Variants in DYNC2I1 observed in about 807,000 individuals in gnomAD.
The protein encoded by DYNC2I1 is dynein 2 intermediate chain 1.
In DYNC2I1, 89 loss-of-function variants were observed where a neutral mutation model predicts 133.4. The observed-to-expected ratio is 0.67, with a 90% CI of 0.56 to 0.80. DYNC2I1 has a LOEUF of 0.80. Ranked by LOEUF, DYNC2I1 falls within the 30% of genes least tolerant of loss-of-function variation. DYNC2I1 has a pLI of 0.00. For synonymous variants in DYNC2I1, 504 were observed against 484.3 expected (o/e 1.04, Z -0.54); for missense variants, 1,291 against 1,314.5 (o/e 0.98, Z 0.28).
intron 2 of DYNC2I1, among the ~76,000 whole-genome samples, chr7:158,870,151 G>GGC (rs1223928660): frequency 6.6e-6 from 1 of 152,174 alleles, no homozygotes; most frequent in African/African-American, 2.4e-5. Flanking sequence ...ACTGCTTTAG[G>GGC]GCAGGGAGTG....
At chr7:158,898,726 G>T (rs1188954) in intron 8 of DYNC2I1, among the ~76,000 whole-genome samples, 1 of 151,840 alleles carries the variant, frequency 6.6e-6, no homozygotes, top group Non-Finnish European at 1.5e-5. Context: ...ATTAGTATCT[G>T]CCATATTTGT....
rs1234294302 is a variant in DYNC2I1 at position 158,926,422 on chromosome 7, C to T, written c.2392C>T (p.His798Tyr). The T allele has an allele frequency of 6.2e-7, 1 of 1,613,194 alleles. No homozygotes were observed. The highest frequency in any genetic ancestry group is 8.5e-7 in the Non-Finnish European group (1 of 1,179,584). ...ATCAGAAATGTCAGGTTTGTCCTTC[C>T]ACATCGCTTCCTTGGATGAGAGTGG... ...TQEEMSGLSFHIASLDESGVL... is the reference protein window; with the variant it reads ...TQEEMSGLSFYIASLDESGVL... The change falls in exon 19 of 25, where the codon CAC becomes TAC. Residue 798 changes from histidine to tyrosine, a missense_variant. Physicochemically the swap from His to Tyr is moderately conservative, Grantham distance 83. Transcript: ENST00000407559.
the DYNC2I1 span, among the ~76,000 whole-genome samples, chr7:158,840,259 AT>A: frequency 5.0e-4 from 76 of 152,044 alleles, no homozygotes; most frequent in African/African-American, 1.8e-3. Flanking sequence ...AAAAAAAAAA[AT>A]CAGAAATTAA....
downstream of DYNC2I1, among the ~76,000 whole-genome samples, chr7:158,958,007 A>AGCCACAGCCACACC (rs1485212515): frequency 1.1e-5 from 1 of 91,306 alleles, no homozygotes; most frequent in Non-Finnish European, 2.3e-5. Context: ...CAATTTACTC[A>AGCCACAGCCACACC]CTATCTGCCC....
intron 10 of DYNC2I1, 73 bp downstream of exon 10, chr7:158,902,668 C>T (rs879795341): frequency 3.0e-6 from 4 of 1,343,198 alleles, no homozygotes; most frequent in Non-Finnish European, 4.2e-6. Context: ...CAGATGCTGT[C>T]ACACACAGGC....
At chr7:158,933,691 T>C (rs2129487838) in intron 21 of DYNC2I1, among the ~76,000 whole-genome samples, 1 of 152,334 alleles carries the variant, frequency 6.6e-6, no homozygotes, top group East Asian at 1.9e-4. Flanking sequence ...GGTAAAGATA[T>C]GTTTGCAAAT....
Position 158,869,818 on chromosome 7 carries a change from T to TATTTTAA in DYNC2I1, c.16-35_16-29dup, listed in dbSNP as rs1455786316. 27 of 1,026,596 alleles carry TATTTTAA rather than the reference T, an allele frequency of 2.6e-5. 1 individual carries two copies. The Admixed American group carries it at 5.8e-4, about 22-fold the overall frequency. 63.6% of individuals were successfully genotyped at this position (1,026,596 alleles called of 1,614,324 possible). A position where few individuals can be genotyped will look rare whatever the true frequency, so the allele number is the denominator to read the frequency against. ...GCTCACTACAACACTGAAAATAAAT[T>TATTTTAA]ATTTTAAACATTCTAACTTTATACT... On this transcript the variant is annotated intron_variant, in intron 1 of 24. Coordinates refer to ENST00000407559, the MANE Select transcript of DYNC2I1 (RefSeq NM_018051.5).
At chr7:158,896,781 T>C (rs985304225) in intron 8 of DYNC2I1, among the ~76,000 whole-genome samples, 4 of 151,852 alleles carry the variant, frequency 2.6e-5, no homozygotes, top group African/African-American at 9.7e-5. Flanking sequence ...CCCTATGTGA[T>C]TCTTTGTATA....
intron 8 of DYNC2I1, among the ~76,000 whole-genome samples, chr7:158,893,909 G>T (rs987940302): frequency 1.3e-5 from 2 of 150,228 alleles, no homozygotes; most frequent in African/African-American, 4.9e-5. Flanking sequence ...ATATCATACC[G>T]CATATTATAC....
At chr7:158,911,720 A>T (rs772322504) in intron 12 of DYNC2I1, 41 bp downstream of exon 12, 1 of 1,576,982 alleles carries the variant, frequency 6.3e-7, no homozygotes, top group South Asian at 1.2e-5. Context: ...AAATGCAAGT[A>T]AAGTCTAGTA....
upstream of DYNC2I1, among the ~76,000 whole-genome samples, chr7:158,855,939 CTTTTTTT>C (rs71200072): frequency 4.2e-5 from 5 of 119,292 alleles, no homozygotes; most frequent in East Asian, 2.6e-4. Context: ...AAGCTCTTTT[CTTTTTTT>C]TTTTTTTTTT....
intron 1 of DYNC2I1, among the ~76,000 whole-genome samples, chr7:158,857,793 T>TTTTTTTTTACCCGGCC (rs2129475514): frequency 2.4e-5 from 1 of 41,588 alleles, no homozygotes; most frequent in African/African-American, 2.4e-4. Flanking sequence ...CACCCGGCCT[T>TTTTTTTTTACCCGGCC]TTTTTTTTTT....
chr7:158,933,705 G>T (rs1160579852), intron 21 of DYNC2I1, among the ~76,000 whole-genome samples: 1 of 152,162 alleles, frequency 6.6e-6, no homozygotes, highest in Non-Finnish European at 1.5e-5. Context: ...TGCAAATTGG[G>T]GCTCACAGGT....
chr7:158,949,724 G>A (rs1474543836), downstream of DYNC2I1, among the ~76,000 whole-genome samples: 1 of 151,992 alleles, frequency 6.6e-6, no homozygotes, highest in Non-Finnish European at 1.5e-5. Context: ...ATGGGGCAAA[G>A]CAAGACAAGT....
At chr7:158,923,548 C>T (rs1849301022) in intron 16 of DYNC2I1, 23 bp from the exon 17 acceptor site, 1 of 1,614,050 alleles carries the variant, frequency 6.2e-7, no homozygotes. Context: ...CTGTCATTGG[C>T]TTTCTGTGCC....
intron 6 of DYNC2I1, among the ~76,000 whole-genome samples, chr7:158,886,643 G>A (rs531435310): frequency 3.5e-4 from 53 of 151,984 alleles, no homozygotes; most frequent in African/African-American, 1.1e-3. Context: ...TTTCTCTGTC[G>A]CCCAGGCTGT....
At chr7:158,891,872 CGGGGCCTCTG>C (rs1845258009) in intron 8 of DYNC2I1, among the ~76,000 whole-genome samples, 2 of 114,528 alleles carry the variant, frequency 1.7e-5, no homozygotes, top group Admixed American at 1.6e-4. Flanking sequence ...GAATTGCGGA[CGGGGCCTCTG>C]AAGGACGTAG....
rs138383351 is a variant in DYNC2I1, at chr7:158,904,682, C to T, written c.1358-1307C>T. On this transcript the variant is annotated intron_variant, in intron 10 of 24. Coordinates refer to ENST00000407559, the MANE Select transcript of DYNC2I1 (RefSeq NM_018051.5). ...TTCTAATTGCTCATAAATGTGGCCTCCTGTGGTCTGGTCCTTATCACAGTC... is the reference window on the plus strand; with the variant it reads ...TTCTAATTGCTCATAAATGTGGCCTTCTGTGGTCTGGTCCTTATCACAGTC... The T allele has an allele frequency of 1.1e-3, 161 of 153,070 alleles. 1 individual carries two copies. Among genetic ancestry groups the T allele is most frequent in the Admixed American group, 4.9e-3 (76 of 15,406 alleles). 9.5% of individuals were successfully genotyped at this position (153,070 alleles called of 1,614,324 possible). A position where few individuals can be genotyped will look rare whatever the true frequency, so the allele number is the denominator to read the frequency against.
At chr7:158,903,593 T>C (rs527638933) in intron 10 of DYNC2I1, 3 of 152,334 alleles carry the variant, frequency 2.0e-5, no homozygotes, top group East Asian at 1.9e-4. Flanking sequence ...TTTAAACTTA[T>C]AGCTAAAGGG....
Sources: gnomAD v4.1 joint callset for allele counts (sites outside exome capture counted in the v4.1 genomes callset) on GRCh38, gnomAD v4.1.1 for gene constraint, MANE v1.5 for transcripts, NCBI Gene and HGNC (gene_info 2026-07-23, HGNC 2026-07-21) for gene names.